The following CFHR3 variants were observed in gnomAD, a reference collection of about 807,000 sequenced individuals.
CFHR3 encodes complement factor H related 3.
In CFHR3, 22 loss-of-function variants were observed where a neutral mutation model predicts 36.0. That is an observed-to-expected ratio of 0.61 (90% confidence interval 0.44 to 0.87). The LOEUF is 0.87. Ranked by LOEUF, CFHR3 falls within the 40% of genes least tolerant of loss-of-function variation. The pLI is 0.00. For synonymous variants in CFHR3, 97 were observed against 137.4 expected (o/e 0.71, Z 2.06); for missense variants, 276 against 401.3 (o/e 0.69, Z 2.67).
intron 5 of CFHR3, among the ~76,000 whole-genome samples, chr1:196,790,730 TAAAAAAATAATA>T (rs1654393938): frequency 1.1e-5 from 1 of 89,786 alleles, no homozygotes. Context: ...TCTCCAAAAA[TAAAAAAATAATA>T]AATAAATAAA....
intron 3 of CFHR3, among the ~76,000 whole-genome samples, chr1:196,785,502 T>C (rs1654160539): frequency 7.4e-6 from 1 of 135,206 alleles, no homozygotes; most frequent in Non-Finnish European, 1.6e-5. Flanking sequence ...TTTGTTCATT[T>C]CTTTTTGGTC....
rs548869346 is a variant in CFHR3 at position 196,789,561 on chromosome 1, A to C, written c.614-484A>C. The C allele has an allele frequency of 6.0e-5, 65 of 1,076,362 alleles. 8 individuals carry two copies. In the African/African-American group the frequency reaches 7.9e-4, roughly 13 times the overall value. 66.7% of individuals were successfully genotyped at this position (1,076,362 alleles called of 1,614,324 possible). ...AATATAATTTTTATCTAATATATAC[A>C]CCCTTACTGTTAGTAAATCGTTACA... On this transcript the variant is annotated intron_variant, in intron 4 of 5. Coordinates refer to ENST00000367425, the MANE Select transcript of CFHR3 (RefSeq NM_021023.6).
rs1313433058 is a variant in CFHR3, at chr1:196,786,305, T to A, written c.431-1911T>A. ...GCCCGTTCTCAGATCTCCAGCTGCG[T>A]GCTGGGAGAACCACTGCTCTCTTCA... is the stretch of plus-strand genomic sequence containing the variant. On this transcript the variant is annotated intron_variant, in intron 3 of 5. Transcript: ENST00000367425. Among the ~76,000 whole-genome samples, 4 of 135,068 alleles carry A rather than the reference T, an allele frequency of 3.0e-5. 1 individual carries two copies. Among genetic ancestry groups the A allele is most frequent in the African/African-American group, 1.3e-4 (4 of 31,690 alleles). 88.6% of individuals were successfully genotyped at this position (135,068 alleles called of 152,430 possible).
chr1:196,785,798 C>T lies in CFHR3; in HGVS notation c.431-2418C>T, dbSNP rs181003987. Among the ~76,000 whole-genome samples, 126 of 137,340 alleles carry T rather than the reference C, an allele frequency of 9.2e-4. 15 individuals carry two copies. The East Asian group carries it at 0.022, about 24-fold the overall frequency. The allele number at this position is 137,340 out of a possible 152,430, so 90.1% of individuals were successfully genotyped here. On this transcript the variant is annotated intron_variant, in intron 3 of 5. Coordinates refer to ENST00000367425, the MANE Select transcript of CFHR3 (RefSeq NM_021023.6). ...TTGATTGTCTGAAGCCTTCTTTTCT[C>T]AACTCGTCAAAGTCATTCTCCGTCC...
intron 3 of CFHR3, among the ~76,000 whole-genome samples, chr1:196,781,479 T>C (rs1653945982): frequency 7.4e-6 from 1 of 134,444 alleles, no homozygotes; most frequent in African/African-American, 3.2e-5. Flanking sequence ...TCCTGACTTT[T>C]TAATGATTGC....
intron 3 of CFHR3, among the ~76,000 whole-genome samples, chr1:196,783,286 T>A (rs369274350): frequency 7.3e-6 from 1 of 136,140 alleles, no homozygotes; most frequent in Non-Finnish European, 1.6e-5. Context: ...TGTCTCTGCC[T>A]GGCTTTGGTA....
chr1:196,792,656 T>G (rs1458877025), intron 5 of CFHR3, among the ~76,000 whole-genome samples: 2 of 136,084 alleles, frequency 1.5e-5, no homozygotes, highest in Non-Finnish European at 3.1e-5. Flanking sequence ...TCCATAATCA[T>G]GTAGGGATTC....
At position 196,777,544 on chromosome 1, in the gene CFHR3, C is replaced by G. The variant is rs559774739; in HGVS notation, c.59-1618C>G. Among the ~76,000 whole-genome samples, 103 of 136,522 alleles carry G rather than the reference C, an allele frequency of 7.5e-4. 16 individuals carry two copies. Among genetic ancestry groups the G allele is most frequent in the Middle Eastern group, 3.9e-3 (1 of 258 alleles). The allele number at this position is 136,522 out of a possible 152,430, so 89.6% of individuals were successfully genotyped here. A position where few individuals can be genotyped will look rare whatever the true frequency, so the allele number is the denominator to read the frequency against. ...TTACACTTTGGCATAACAAAAGGTC[C>G]CAGGATTTCCTTGACTTTTCCTACT... On this transcript the variant is annotated intron_variant, in intron 1 of 5. Transcript: ENST00000367425.
rs1654255639 is a variant in CFHR3, at chr1:196,787,482, T to G, written c.431-734T>G. The stretch of plus-strand genomic sequence containing the variant: ...GTAAAATTGGTCCATTTACATTTGT[T>G]TTTGAATTACTAATTAGAAAAGAAC... On this transcript the variant is annotated intron_variant, in intron 3 of 5. Transcript: ENST00000367425. Among the ~76,000 whole-genome samples the G allele has an allele frequency of 1.5e-5, 2 of 137,090 alleles. 1 individual carries two copies. Among genetic ancestry groups the G allele is most frequent in the African/African-American group, 6.1e-5 (2 of 32,708 alleles). 89.9% of individuals were successfully genotyped at this position (137,090 alleles called of 152,430 possible). A position where few individuals can be genotyped will look rare whatever the true frequency, so the allele number is the denominator to read the frequency against.
intron 3 of CFHR3, among the ~76,000 whole-genome samples, chr1:196,783,674 T>C (rs1288355779): frequency 9.6e-5 from 13 of 135,894 alleles, no homozygotes; most frequent in Admixed American, 9.2e-4. Context: ...TTTTATTGTG[T>C]CTATTTGATT....
Position 196,793,406 on chromosome 1 carries a change from G to T in CFHR3, c.886G>T (p.Asp296Tyr), listed in dbSNP as rs780565588. ...CAGAAAATATTATGCAAAAACAGGGGATACCATTGAATTTATGTGTAAATT... is the reference window on the plus strand; with the variant it reads ...CAGAAAATATTATGCAAAAACAGGGTATACCATTGAATTTATGTGTAAATT... ...SDRKYYAKTGDTIEFMCKLGY... is the reference protein window; with the variant it reads ...SDRKYYAKTGYTIEFMCKLGY... Residue 296 changes from aspartate (D) to tyrosine (Y), a missense_variant, in exon 6 of 6, where the codon GAT (aspartate) becomes TAT (tyrosine). Coordinates refer to ENST00000367425, the MANE Select transcript of CFHR3 (RefSeq NM_021023.6). 6.7e-5 allele frequency: 103 copies of T among 1,526,274 alleles called. 23 individuals are homozygous for T. The highest frequency in any genetic ancestry group is 8.1e-5 in the Non-Finnish European group (92 of 1,128,980). 94.5% of individuals were successfully genotyped at this position (1,526,274 alleles called of 1,614,324 possible).
At position 196,791,226 on chromosome 1, in the gene CFHR3, T is replaced by A. The variant is rs1458474426; in HGVS notation, c.796+999T>A. ...TCCCTTATACCAGAATCAAAATGAA[T>A]ACACTAAAAACCCCTCAAGCCAGTA... On this transcript the variant is annotated intron_variant, in intron 5 of 5. Coordinates refer to ENST00000367425, the MANE Select transcript of CFHR3 (RefSeq NM_021023.6). Among the ~76,000 whole-genome samples the A allele has an allele frequency of 1.7e-4, 23 of 136,234 alleles. 3 individuals are homozygous for A. The highest frequency in any genetic ancestry group is 5.6e-4 in the African/African-American group (18 of 32,356). 89.4% of individuals were successfully genotyped at this position (136,234 alleles called of 152,430 possible). A position where few individuals can be genotyped will look rare whatever the true frequency, so the allele number is the denominator to read the frequency against.
chr1:196,777,761 C>T (rs940958903), intron 1 of CFHR3, among the ~76,000 whole-genome samples: 3 of 134,826 alleles, frequency 2.2e-5, no homozygotes, highest in East Asian at 2.0e-4. Flanking sequence ...CCAAGGCGCG[C>T]GGATCACTTG....
At position 196,783,116 on chromosome 1, in the gene CFHR3, C is replaced by A. The variant is rs367607206; in HGVS notation, c.430+3143C>A. On this transcript the variant is annotated intron_variant, in intron 3 of 5. Coordinates refer to ENST00000367425, the MANE Select transcript of CFHR3 (RefSeq NM_021023.6). ...ATGCTGGATTACATTTATTGATTTGCGTATATTGAACTAGCCTTGCATCCC... is the reference window on the plus strand; with the variant it reads ...ATGCTGGATTACATTTATTGATTTGAGTATATTGAACTAGCCTTGCATCCC... Among the ~76,000 whole-genome samples, 5 of 136,608 alleles carry A rather than the reference C, an allele frequency of 3.7e-5. No individual in the cohort carries two copies. In the East Asian group the frequency reaches 5.9e-4, roughly 16 times the overall value. 89.6% of individuals were successfully genotyped at this position (136,608 alleles called of 152,430 possible). A position where few individuals can be genotyped will look rare whatever the true frequency, so the allele number is the denominator to read the frequency against.
At chr1:196,785,911 T>A (rs1381724884) in intron 3 of CFHR3, among the ~76,000 whole-genome samples, 1 of 135,936 alleles carries the variant, frequency 7.4e-6, no homozygotes, top group Non-Finnish European at 1.6e-5. Flanking sequence ...TTCTGCTCTG[T>A]TTTTTCCCCA....
intron 5 of CFHR3, among the ~76,000 whole-genome samples, chr1:196,791,188 C>T (rs1654416472): frequency 7.4e-6 from 1 of 135,658 alleles, no homozygotes; most frequent in Non-Finnish European, 1.6e-5. Flanking sequence ...CCATTTTTAC[C>T]TTATTCTCCT....
intron 3 of CFHR3, among the ~76,000 whole-genome samples, chr1:196,780,691 T>C (rs1005383374): frequency 1.5e-5 from 2 of 137,044 alleles, no homozygotes; most frequent in Non-Finnish European, 3.1e-5. Flanking sequence ...ATGCATTCTC[T>C]TTGTGGCTAG....
In CFHR3 at chr1:196,786,493, C is replaced by T. The variant is rs558790156; in HGVS notation, c.431-1723C>T. On this transcript the variant is annotated intron_variant, in intron 3 of 5. Transcript: ENST00000367425. ...TTCCTGGCTGCTTTGTTTACCTAAG[C>T]AAGCCTGGGCAATGGCAGGCCCCCC... Among the ~76,000 whole-genome samples the T allele has an allele frequency of 7.3e-3, 995 of 135,698 alleles. 239 individuals carry two copies. Among genetic ancestry groups the T allele is most frequent in the African/African-American group, 0.03 (956 of 31,826 alleles). 89.0% of individuals were successfully genotyped at this position (135,698 alleles called of 152,430 possible).
intron 3 of CFHR3, among the ~76,000 whole-genome samples, chr1:196,786,875 A>G (rs1272966819): frequency 2.9e-5 from 4 of 137,530 alleles, no homozygotes; most frequent in East Asian, 3.9e-4. Flanking sequence ...ATGGAAATGC[A>G]GAAATCACCC....
Sources: allele counts gnomAD v4.1 joint callset (sites outside exome capture counted in the v4.1 genomes callset), GRCh38; gene constraint gnomAD v4.1.1; transcripts MANE v1.5; gene names NCBI Gene and HGNC (gene_info 2026-07-23, HGNC 2026-07-21).